NAV3: variants seen among roughly 807,000 people sequenced by gnomAD.
The protein encoded by NAV3 is pore membrane and/or filament interacting like protein 1.
A neutral mutation model predicts 244.7 loss-of-function variants in NAV3; 87 were observed. The observed-to-expected ratio is 0.36, with a 90% CI of 0.30 to 0.42. The LOEUF (loss-of-function observed/expected upper bound fraction) is 0.42, where lower values mean the gene tolerates loss of function less well. Among genes scored for constraint, NAV3 ranks in the 20% least tolerant of loss-of-function variants. The pLI, the probability that NAV3 is intolerant of heterozygous loss-of-function variation, is 1.00. For synonymous variants in NAV3, 1,126 were observed against 1,042.2 expected (o/e 1.08, Z -1.55); for missense variants, 2,663 against 2,893.3 (o/e 0.92, Z 1.83).
chr12:77,744,745 T>G (rs1868449758), intron 2 of NAV3, among the ~76,000 whole-genome samples: 1 of 151,916 alleles, frequency 6.6e-6, no homozygotes, highest in African/African-American at 2.4e-5. Context: ...TTTGCCATAG[T>G]CTTTTAATGT....
At chr12:77,976,500 G>T (rs1593172496) in intron 5 of NAV3, among the ~76,000 whole-genome samples, 1 of 144,914 alleles carries the variant, frequency 6.9e-6, no homozygotes, top group South Asian at 2.3e-4. Context: ...TTGATGTCCT[G>T]GAAAGCAGGT....
chr12:77,654,800 T>C (rs2695841), intron 2 of NAV3, among the ~76,000 whole-genome samples: 24,074 of 146,762 alleles, frequency 0.16, 2,687 homozygotes, highest in African/African-American at 0.31. Flanking sequence ...TCGCGGTTCA[T>C]GAAAAACCAC....
chr12:77,849,739 T>G (rs1477215411), intron 1 of NAV3, among the ~76,000 whole-genome samples: 2 of 152,136 alleles, frequency 1.3e-5, no homozygotes, highest in African/African-American at 2.4e-5. Flanking sequence ...AAATGCTCAA[T>G]CTATATATCA....
At chr12:78,141,123 T>C (rs1956593121) in intron 20 of NAV3, among the ~76,000 whole-genome samples, 1 of 152,106 alleles carries the variant, frequency 6.6e-6, no homozygotes, top group African/African-American at 2.4e-5. Context: ...ACCCATGGCT[T>C]CAAGCAATTC....
At chr12:77,885,382 A>G (rs989682442) in intron 1 of NAV3, among the ~76,000 whole-genome samples, 1 of 152,084 alleles carries the variant, frequency 6.6e-6, no homozygotes, top group Non-Finnish European at 1.5e-5. Context: ...CTAGTTTTGT[A>G]TATATGTCTC....
At chr12:77,816,517 G>A (rs1441766040) in intron 2 of NAV3, among the ~76,000 whole-genome samples, 1 of 152,102 alleles carries the variant, frequency 6.6e-6, no homozygotes, top group African/African-American at 2.4e-5. Flanking sequence ...AAATTACCAG[G>A]CAAAGCACAG....
chr12:77,615,621 T>G, intron 2 of NAV3, among the ~76,000 whole-genome samples: 1 of 152,218 alleles, frequency 6.6e-6, no homozygotes, highest in East Asian at 1.9e-4. Context: ...AGTCCACCGT[T>G]GATGGGCATC....
At chr12:77,778,034 G>A (rs934950539) in intron 2 of NAV3, among the ~76,000 whole-genome samples, 8 of 151,774 alleles carry the variant, frequency 5.3e-5, no homozygotes, top group African/African-American at 1.9e-4. Flanking sequence ...TCAAACTCCC[G>A]ACCTTAGGTG....
At chr12:77,588,731 A>G (rs538394788) in intron 2 of NAV3, among the ~76,000 whole-genome samples, 1 of 152,230 alleles carries the variant, frequency 6.6e-6, no homozygotes, top group Non-Finnish European at 1.5e-5. Flanking sequence ...AAGTACTTAT[A>G]AAGAAAGTAA....
intron 2 of NAV3, among the ~76,000 whole-genome samples, chr12:77,755,552 CCTTTCCTTTCCTTTCCTTTCCTTTCCTTT>C: frequency 1.8e-5 from 1 of 55,912 alleles, no homozygotes; most frequent in African/African-American, 1.0e-4. Context: ...CCTTTCCTTT[CCTTTCCTTTCCTTTCCTTTCCTTTCCTTT>C]CCTCCCTCCC....
chr12:77,583,070 T>C (rs1305197787), intron 2 of NAV3, among the ~76,000 whole-genome samples: 1 of 152,180 alleles, frequency 6.6e-6, no homozygotes, highest in Non-Finnish European at 1.5e-5. Context: ...ACATTTGTGT[T>C]TTTGCAAATG....
In NAV3 at chr12:78,048,971, A is replaced by C. The variant is rs574017181; in HGVS notation, c.2024-1022A>C. On this transcript the variant is annotated intron_variant, in intron 9 of 39. Coordinates refer to ENST00000397909, the MANE Select transcript of NAV3 (RefSeq NM_001024383.2). ...GGCTACAGCAGCTTTGCCAAGCTGC[A>C]GTGGGCTCTGCCCAGTCCAAAATTC... Among the ~76,000 whole-genome samples the C allele has an allele frequency of 1.6e-4, 25 of 152,316 alleles. No homozygotes were observed. The South Asian group carries it at 5.2e-3, about 32-fold the overall frequency.
rs774698838 is a variant in NAV3, at chr12:77,941,066, A to G, written c.362-15A>G. 1 of 1,516,838 alleles carries G rather than the reference A, an allele frequency of 6.6e-7. No individual in the cohort carries two copies. The highest frequency in any genetic ancestry group is 9.0e-7 in the Non-Finnish European group (1 of 1,110,008). 94.0% of individuals were successfully genotyped at this position (1,516,838 alleles called of 1,614,324 possible). ...GTTCTTTTTTTCTCTCTTTTATTTT[A>G]TCTCTTGGCTTTAGCAAATGAAAAA... On this transcript the variant is annotated splice_polypyrimidine_tract_variant and intron_variant, in intron 2 of 39. Coordinates refer to ENST00000397909, the MANE Select transcript of NAV3 (RefSeq NM_001024383.2).
chr12:78,103,975 G>A (rs1282790630), intron 12 of NAV3, among the ~76,000 whole-genome samples: 2 of 152,124 alleles, frequency 1.3e-5, no homozygotes, highest in African/African-American at 4.8e-5. Context: ...ATCATTAAAA[G>A]GTTAGAAGTG....
intron 12 of NAV3, among the ~76,000 whole-genome samples, chr12:78,097,418 A>G (rs1215427014): frequency 6.6e-6 from 1 of 152,176 alleles, no homozygotes; most frequent in East Asian, 1.9e-4. Context: ...TACTGCTGCC[A>G]TCTGTTGTTC....
At chr12:78,021,075 A>T (rs1420163112) in intron 8 of NAV3, among the ~76,000 whole-genome samples, 3 of 152,182 alleles carry the variant, frequency 2.0e-5, no homozygotes, top group Admixed American at 6.5e-5. Flanking sequence ...ATGAAGTATG[A>T]TTAGAATATC....
intron 1 of NAV3, among the ~76,000 whole-genome samples, chr12:77,836,368 T>G (rs1874634070): frequency 6.6e-6 from 1 of 152,176 alleles, no homozygotes; most frequent in African/African-American, 2.4e-5. Context: ...ATTTCCAACT[T>G]CTTTCCAGTC....
intron 5 of NAV3, among the ~76,000 whole-genome samples, chr12:77,986,767 AGAG>A (rs1870585869): frequency 6.6e-6 from 1 of 152,192 alleles, no homozygotes; most frequent in African/African-American, 2.4e-5. Context: ...GAAGGCATAG[AGAG>A]GAGATACAAA....
intron 5 of NAV3, among the ~76,000 whole-genome samples, chr12:77,971,425 T>C (rs564347027): frequency 6.6e-6 from 1 of 152,216 alleles, no homozygotes; most frequent in South Asian, 2.1e-4. Flanking sequence ...AGAGAATTTT[T>C]ACATGGTTTA....
Sources: allele counts gnomAD v4.1 joint callset (sites outside exome capture counted in the v4.1 genomes callset), GRCh38; gene constraint gnomAD v4.1.1; transcripts MANE v1.5; gene names NCBI Gene and HGNC (gene_info 2026-07-23, HGNC 2026-07-21).